The following RBFOX1 variants were observed in gnomAD, a reference collection of about 807,000 sequenced individuals.
RBFOX1 encodes RNA binding fox-1 homolog 1.
Under a neutral mutation model 57.7 loss-of-function variants are expected in RBFOX1, and 8 were observed. The ratio of observed to expected loss-of-function variants is 0.14; its 90% CI spans 0.08 to 0.25. RBFOX1 has a LOEUF of 0.25. RBFOX1 is among the 10% of genes least tolerant of loss of function. RBFOX1 has a pLI of 1.00. For missense variants in RBFOX1, 611 were observed against 548.5 expected, an observed-to-expected ratio of 1.11 and a Z score of -1.14; for synonymous variants, 326 against 222.4, an observed-to-expected ratio of 1.47 and a Z score of -4.15.
At chr16:6,816,910 G>GTT (rs201460820) in intron 3 of RBFOX1, among the ~76,000 whole-genome samples, 1 of 151,586 alleles carries the variant, frequency 6.6e-6, no homozygotes, top group African/African-American at 2.4e-5. Flanking sequence ...ATGCCTAGCT[G>GTT]TTTTTTTTGT....
chr16:6,004,246 A>G (rs562694389), intron 4 of RBFOX1, among the ~76,000 whole-genome samples: 1 of 152,092 alleles, frequency 6.6e-6, no homozygotes, highest in Non-Finnish European at 1.5e-5. Context: ...CTACAGCCTG[A>G]CTACCTGGCT....
intron 1 of RBFOX1, among the ~76,000 whole-genome samples, chr16:6,219,022 G>C (rs950685141): frequency 2.0e-5 from 3 of 152,128 alleles, no homozygotes; most frequent in African/African-American, 7.2e-5. Context: ...AGGTGACTCA[G>C]GGGCCACATC....
At chr16:6,820,844 G>C (rs1354215804) in intron 3 of RBFOX1, among the ~76,000 whole-genome samples, 1 of 152,170 alleles carries the variant, frequency 6.6e-6, no homozygotes, top group Non-Finnish European at 1.5e-5. Flanking sequence ...AAGCCATGTA[G>C]AAGTTAATTA....
intron 1 of RBFOX1, among the ~76,000 whole-genome samples, chr16:6,304,876 C>CAAAAAAAAAAAAAA (rs58680911): frequency 1.3e-5 from 1 of 79,656 alleles, no homozygotes. Flanking sequence ...GACCCTGTCT[C>CAAAAAAAAAAAAAA]AAAAAAAAAA....
In RBFOX1 at chr16:5,490,843, C is replaced by G. The variant is rs570165154; in HGVS notation, c.258+23589C>G. Reference sequence around the variant, plus strand: ...TTAATAAACTTTTTTTTCTTTCACACTGAGTACAACGATTAATCTCTTAAC... The same window carrying G: ...TTAATAAACTTTTTTTTCTTTCACAGTGAGTACAACGATTAATCTCTTAAC... On this transcript the variant is annotated intron_variant, in intron 2 of 2. Transcript: ENST00000585867. 2.6e-5 allele frequency among the ~76,000 whole-genome samples: 4 copies of G among 152,252 alleles called. No homozygotes were observed. In the South Asian group the frequency reaches 8.3e-4, roughly 32 times the overall value.
intron 2 of RBFOX1, among the ~76,000 whole-genome samples, chr16:5,596,599 A>G (rs1371532724): frequency 6.6e-6 from 1 of 152,186 alleles, no homozygotes; most frequent in Non-Finnish European, 1.5e-5. Context: ...GGCTGTAGAT[A>G]GGGATCCCAG....
At chr16:7,282,131 G>A (rs973559370) in intron 4 of RBFOX1, among the ~76,000 whole-genome samples, 2 of 152,108 alleles carry the variant, frequency 1.3e-5, no homozygotes, top group African/African-American at 2.4e-5. Flanking sequence ...CCAGAGTGCT[G>A]GGATTACAGG....
At chr16:5,884,982 G>A (rs1378019481) in intron 4 of RBFOX1, among the ~76,000 whole-genome samples, 2 of 152,164 alleles carry the variant, frequency 1.3e-5, no homozygotes, top group Non-Finnish European at 2.9e-5. Context: ...CAGAGGTAGG[G>A]GAACCTAGAA....
intron 3 of RBFOX1, among the ~76,000 whole-genome samples, chr16:6,797,702 T>C (rs1320767999): frequency 6.6e-6 from 1 of 152,190 alleles, no homozygotes; most frequent in Non-Finnish European, 1.5e-5. Context: ...ATTCCAACTA[T>C]AGGCATTAAA....
intron 2 of RBFOX1, among the ~76,000 whole-genome samples, chr16:6,341,342 C>T (rs2084544342): frequency 6.6e-6 from 1 of 152,120 alleles, no homozygotes; most frequent in Non-Finnish European, 1.5e-5. Flanking sequence ...CTGATACTGA[C>T]TCTTCTTTTA....
intron 1 of RBFOX1, among the ~76,000 whole-genome samples, chr16:6,137,494 C>T (rs747724504): frequency 4.0e-5 from 6 of 151,822 alleles, no homozygotes; most frequent in Middle Eastern, 3.4e-3. Flanking sequence ...TTAGTAGACA[C>T]GGGGTTTCAC....
At chr16:5,649,434 T>C (rs2049159849) in intron 3 of RBFOX1, among the ~76,000 whole-genome samples, 1 of 152,152 alleles carries the variant, frequency 6.6e-6, no homozygotes, top group Non-Finnish European at 1.5e-5. Context: ...TCTCCCAAAG[T>C]GCTGGGATTA....
intron 3 of RBFOX1, among the ~76,000 whole-genome samples, chr16:5,864,108 T>G (rs1268453652): frequency 1.3e-5 from 2 of 152,164 alleles, no homozygotes; most frequent in African/African-American, 2.4e-5. Context: ...TATGTGTCCA[T>G]GTGCTCTCAT....
intron 2 of RBFOX1, among the ~76,000 whole-genome samples, chr16:6,496,464 C>T (rs1244969214): frequency 6.6e-6 from 1 of 152,152 alleles, no homozygotes; most frequent in East Asian, 1.9e-4. Flanking sequence ...CTTTTAATAG[C>T]CGTGTTGTGG....
intron 4 of RBFOX1, among the ~76,000 whole-genome samples, chr16:7,217,273 C>G (rs1254221943): frequency 1.4e-4 from 18 of 127,580 alleles, no homozygotes; most frequent in Non-Finnish European, 1.6e-5. Flanking sequence ...GGCTAATTAT[C>G]TTTTTTTTTC....
At chr16:5,981,962 G>A (rs1470300885) in intron 4 of RBFOX1, among the ~76,000 whole-genome samples, 1 of 152,182 alleles carries the variant, frequency 6.6e-6, no homozygotes, top group Non-Finnish European at 1.5e-5. Context: ...AAAGGTCAGT[G>A]GTGCCAAGAA....
At chr16:6,998,862 T>G (rs2092501858) in intron 3 of RBFOX1, among the ~76,000 whole-genome samples, 1 of 151,666 alleles carries the variant, frequency 6.6e-6, no homozygotes, top group Admixed American at 6.6e-5. Flanking sequence ...TTTAATTAAT[T>G]AAGTATTATT....
chr16:6,116,201 T>C (rs1044670407), intron 1 of RBFOX1, among the ~76,000 whole-genome samples: 2 of 145,884 alleles, frequency 1.4e-5, no homozygotes, highest in Non-Finnish European at 3.0e-5. Flanking sequence ...TCCTCACTCA[T>C]AAAGGGGAGT....
chr16:5,817,168 C>T (rs1453295026), intron 3 of RBFOX1, among the ~76,000 whole-genome samples: 3 of 152,168 alleles, frequency 2.0e-5, no homozygotes, highest in Admixed American at 2.0e-4. Context: ...TGCACTCTCT[C>T]TCTATCTCTC....
Sources: allele counts gnomAD v4.1 joint callset (sites outside exome capture counted in the v4.1 genomes callset), GRCh38; gene constraint gnomAD v4.1.1; transcripts MANE v1.5; gene names NCBI Gene and HGNC (gene_info 2026-07-23, HGNC 2026-07-21).